The following IDS variants were observed in gnomAD, a reference collection of about 807,000 sequenced individuals.
The protein encoded by IDS is alpha-L-iduronate sulfate sulfatase.
A neutral mutation model predicts 33.5 loss-of-function variants in IDS; 1 was observed. The observed-to-expected ratio is 0.03, with a 90% CI of 0.01 to 0.14. IDS has a LOEUF of 0.14. Among genes scored for constraint, IDS ranks in the 10% least tolerant of loss-of-function variants. IDS has a pLI of 1.00. For synonymous variants in IDS, 191 were observed against 184.4 expected, an observed-to-expected ratio of 1.04 and a Z score of -0.29; for missense variants, 328 against 448.0, an observed-to-expected ratio of 0.73 and a Z score of 2.42.
At chrX:149,488,940 C>G (rs1223765933) in intron 7 of IDS, among the ~76,000 whole-genome samples, 3 of 110,787 alleles carry the variant, frequency 2.7e-5, no homozygotes, top group Admixed American at 1.9e-4. Flanking sequence ...GTGGCCAGAC[C>G]ACCTGAGACA....
At chrX:149,500,080 G>A (rs1280761415) in intron 4 of IDS, among the ~76,000 whole-genome samples, 1 of 111,505 alleles carries the variant, frequency 9.0e-6, no homozygotes, top group Non-Finnish European at 1.9e-5. Flanking sequence ...ATATATACAC[G>A]ATTTGCAGCA....
chrX:149,484,327 C>CA (rs2089316397), intron 8 of IDS, among the ~76,000 whole-genome samples: 1 of 111,117 alleles, frequency 9.0e-6, no homozygotes, highest in South Asian at 3.7e-4. Flanking sequence ...TTGTTTCATT[C>CA]TTTTTTTTTA....
intron 5 of IDS, among the ~76,000 whole-genome samples, chrX:149,497,513 A>G (rs2089445240): frequency 8.9e-6 from 1 of 112,452 alleles, no homozygotes; most frequent in African/African-American, 3.2e-5. Context: ...TACTCTCATT[A>G]CATGTGAGGG....
At chrX:149,490,582 C>T (rs2089382567) in intron 6 of IDS, 142 bp from the exon 7 acceptor site, 3 of 594,414 alleles carry the variant, frequency 5.0e-6, no homozygotes, top group Middle Eastern at 4.9e-4. Flanking sequence ...CAAAATGTAA[C>T]ACTCCTTTCC....
At chrX:149,494,624 A>G (rs1557339111) in intron 6 of IDS, among the ~76,000 whole-genome samples, 1 of 111,744 alleles carries the variant, frequency 8.9e-6, no homozygotes, top group Non-Finnish European at 1.9e-5. Context: ...ACATGCAGGC[A>G]TCAGGGAGGC....
intron 7 of IDS, 124 bp from the exon 8 acceptor site, chrX:149,487,222 A>G (rs2089345008): frequency 8.3e-7 from 1 of 1,203,642 alleles, no homozygotes; most frequent in Non-Finnish European, 1.1e-6. Flanking sequence ...ATCACCTAGA[A>G]GAAAAATATT....
rs782183418 is a variant in IDS at position 149,504,160 on chromosome X, C to T, written c.237G>A (p.Ala79=). ...SHSLLFQNAF[A]QQAVCAPSRV... ...AGCTAGAGGTTCCCAGACATACCTG[C>T]GCAAAGGCATTCTGGAAGAGGAGGC... The change falls in exon 2 of 9, where the codon GCG becomes GCA. Residue 79 remains alanine, a synonymous_variant. Coordinates refer to ENST00000340855, the MANE Select transcript of IDS (RefSeq NM_000202.8). 37 of 1,205,906 alleles carry T rather than the reference C, an allele frequency of 3.1e-5. No individual in the cohort carries two copies. The highest frequency in any genetic ancestry group is 3.9e-5 in the Non-Finnish European group (35 of 892,264).
Position 149,490,436 on chromosome X carries a change from T to C in IDS, c.884A>G (p.Lys295Arg), listed in dbSNP as rs113993953. 160 of 1,209,378 alleles carry C rather than the reference T, an allele frequency of 1.3e-4. No homozygotes were observed. In the African/African-American group the frequency reaches 2.4e-3, roughly 18 times the overall value. Residue 295 changes from lysine to arginine, a missense_variant, in exon 7 of 9, where the codon AAA (lysine) becomes AGA (arginine). Transcript: ENST00000340855. ...YGPIPVDFQR[K>R]IRQSYFASVS... ...AGAGGCAAAGTAGCTCTGGCGGATT[T>C]TCCGCTGCAAATTGAAAAAAAATAA...
intron 1 of IDS, 141 bp downstream of exon 1, chrX:149,504,894 G>A (rs1569560533): frequency 4.4e-6 from 2 of 456,928 alleles, no homozygotes; most frequent in East Asian, 4.0e-5. Context: ...GGGAGGGAAC[G>A]AATGATGGAT....
chrX:149,488,568 C>A (rs376671107), intron 7 of IDS, among the ~76,000 whole-genome samples: 1 of 107,577 alleles, frequency 9.3e-6, no homozygotes, highest in African/African-American at 3.4e-5. Flanking sequence ...ACGCAGCCTT[C>A]GGCCTCTGCC....
chrX:149,483,552 G>C (rs180946405), intron 8 of IDS, among the ~76,000 whole-genome samples: 1 of 111,659 alleles, frequency 9.0e-6, no homozygotes, highest in Non-Finnish European at 1.9e-5. Context: ...AGTCTGTTGA[G>C]GAACAGGATA....
rs2089475569 is a variant in IDS at position 149,501,010 on chromosome X, G to T, written c.446C>A (p.Ser149Tyr). Residue 149 changes from serine to tyrosine, a missense_variant, in exon 4 of 9, where the codon TCT (serine) becomes TAT (tyrosine). Physicochemically the swap from Ser to Tyr is moderately radical, Grantham distance 144. This residue lies in a region of IDS where 265 missense variants were observed against 339.2 expected (regional missense o/e 0.78). Coordinates refer to ENST00000340855, the MANE Select transcript of IDS (RefSeq NM_000202.8). ...PGISSNHTDD[S>Y]PYSWSFPPYH... ...AGGTGGAAAAGACCAGCTATACGGA[G>T]AATCATCGGTATGGTTAGAAGATAT... is the stretch of plus-strand genomic sequence containing the variant. 1 of 1,169,431 alleles carries T rather than the reference G, an allele frequency of 8.6e-7. No individual in the cohort carries two copies. Among genetic ancestry groups the T allele is most frequent in the Non-Finnish European group, 1.2e-6 (1 of 857,468 alleles).
intron 6 of IDS, chrX:149,491,538 C>A: frequency 1.0e-6 from 1 of 966,571 alleles, no homozygotes; most frequent in Non-Finnish European, 1.3e-6. Flanking sequence ...TGAGACTCAC[C>A]CGTTCTCACT....
rs2089505645 is a variant in IDS, at chrX:149,504,289, A to C, written c.108T>G (p.Ala36=). 2 of 1,197,179 alleles carry C rather than the reference A, an allele frequency of 1.7e-6. No individual in the cohort carries two copies. The highest frequency in any genetic ancestry group is 2.3e-6 in the Non-Finnish European group (2 of 887,903). Residue 36 remains alanine, a synonymous_variant, in exon 2 of 9, where the codon GCT becomes GCG. Coordinates refer to ENST00000340855, the MANE Select transcript of IDS (RefSeq NM_000202.8). ...SETQANSTTD[A]LNVLLIIVDD... ...CCACGATGATGAGAAGAACGTTCAGAGCATCTACACAGGAGGGAGGGGCTT... is the reference window on the plus strand; with the variant it reads ...CCACGATGATGAGAAGAACGTTCAGCGCATCTACACAGGAGGGAGGGGCTT...
At chrX:149,502,506 A>G (rs1049196547) in intron 3 of IDS, among the ~76,000 whole-genome samples, 1 of 112,411 alleles carries the variant, frequency 8.9e-6, no homozygotes, top group East Asian at 2.8e-4. Context: ...GTCACTCTCA[A>G]CCTGGGCTGG....
chrX:149,498,087 G>A lies in IDS; in HGVS notation c.708+20C>T. On this transcript the variant is annotated intron_variant, in intron 5 of 8. Coordinates refer to ENST00000340855, the MANE Select transcript of IDS (RefSeq NM_000202.8). Reference sequence around the variant, plus strand: ...CAGCTGTCACAGCTGTGCTGGATCAGCCCTCAACCAGCTCTTCACCTTGGG... The same window carrying A: ...CAGCTGTCACAGCTGTGCTGGATCAACCCTCAACCAGCTCTTCACCTTGGG... 1 of 1,179,018 alleles carries A rather than the reference G, an allele frequency of 8.5e-7. No homozygotes were observed. The highest frequency in any genetic ancestry group is 1.2e-6 in the Non-Finnish European group (1 of 865,785).
chrX:149,504,719 T>C (rs1248196083), intron 1 of IDS, among the ~76,000 whole-genome samples: 1 of 96,351 alleles, frequency 1.0e-5, no homozygotes, highest in African/African-American at 4.0e-5. Flanking sequence ...AAGGGACGGA[T>C]GGACCAATGG....
chrX:149,494,231 G>A, intron 6 of IDS, among the ~76,000 whole-genome samples: 1 of 111,982 alleles, frequency 8.9e-6, no homozygotes, highest in Non-Finnish European at 1.9e-5. Flanking sequence ...GACAAGTATG[G>A]TGAGCTGGGC....
chrX:149,478,102 G>C lies in IDS; in HGVS notation c.*4644C>G, dbSNP rs2089275840. ...TACCCAAAGCGCTTCACACAGTAAG[G>C]TATGGACAGCTTGGGAACCTGACAG... On this transcript the variant is annotated 3_prime_UTR_variant, in exon 9 of 9. Transcript: ENST00000340855. 8.9e-6 allele frequency: 1 copy of C among 112,140 alleles called. No individual in the cohort carries two copies. The highest frequency in any genetic ancestry group is 2.8e-4 in the East Asian group (1 of 3,600). The allele number at this position is 112,140 out of a possible 1,213,427, so 9.2% of individuals were successfully genotyped here.
Sources: allele counts gnomAD v4.1 joint callset (sites outside exome capture counted in the v4.1 genomes callset), GRCh38; gene constraint gnomAD v4.1.1; regional missense constraint gnomAD v4.1.1; transcripts MANE v1.5; gene names NCBI Gene and HGNC (gene_info 2026-07-23, HGNC 2026-07-21).